The following NMBR variants were observed in gnomAD, a reference collection of about 807,000 sequenced individuals.
NMBR encodes the protein neuromedin-B receptor.
Under a neutral mutation model 20.5 loss-of-function variants are expected in NMBR, and 16 were observed. That is an observed-to-expected ratio of 0.78 (90% CI 0.53 to 1.19). The LOEUF (loss-of-function observed/expected upper bound fraction) is 1.19. Ranked by LOEUF, NMBR falls within the 50% of genes most tolerant of loss-of-function variation. The pLI is 0.00. For synonymous variants in NMBR, 212 were observed against 196.6 expected (o/e 1.08, Z -0.65); for missense variants, 582 against 499.1 (o/e 1.17, Z -1.58).
chr6:142,117,343 A>T (rs943770503), intron 1 of NMBR, among the ~76,000 whole-genome samples: 2 of 151,958 alleles, frequency 1.3e-5, no homozygotes, highest in Non-Finnish European at 2.9e-5. Flanking sequence ...CAATAAATCT[A>T]CACCCCTAGA....
chr6:142,098,266 C>A (rs558150294), intron 1 of NMBR, among the ~76,000 whole-genome samples: 1 of 152,034 alleles, frequency 6.6e-6, no homozygotes. Flanking sequence ...TTGCTAACAT[C>A]GGGGATGAAG....
At chr6:142,117,627 T>C (rs1582854770) in intron 1 of NMBR, among the ~76,000 whole-genome samples, 1 of 151,928 alleles carries the variant, frequency 6.6e-6, no homozygotes, top group East Asian at 1.9e-4. Flanking sequence ...ACCATGAGGT[T>C]TTAATTAATT....
Position 142,099,309 on chromosome 6 carries a change from A to T in NMBR, c.-663-9988T>A, listed in dbSNP as rs190748609. Among the ~76,000 whole-genome samples, 28 of 152,324 alleles carry T rather than the reference A, an allele frequency of 1.8e-4. No individual in the cohort carries two copies. In the East Asian group the frequency reaches 5.0e-3, roughly 27 times the overall value. On this transcript the variant is annotated intron_variant, in intron 1 of 3. Transcript: ENST00000258042. ...AGACTGGGTAATTTATAAAGAAAAG[A>T]TGTTTAATTGACTCATAGTTCCACA...
At chr6:142,105,266 T>G (rs1461438949) in intron 1 of NMBR, among the ~76,000 whole-genome samples, 3 of 152,180 alleles carry the variant, frequency 2.0e-5, no homozygotes, top group African/African-American at 7.2e-5. Flanking sequence ...GGATCTTCAG[T>G]TGCTTCCGGC....
chr6:142,135,048 T>C (rs921685135), intron 1 of NMBR: 39 of 439,718 alleles, frequency 8.9e-5, no homozygotes, highest in African/African-American at 6.9e-4. Context: ...TACTATAAAA[T>C]ATAGTGCCTG....
At chr6:142,084,009 G>A (rs1413293422) in intron 2 of NMBR, among the ~76,000 whole-genome samples, 3 of 152,108 alleles carry the variant, frequency 2.0e-5, no homozygotes, top group East Asian at 1.9e-4. Flanking sequence ...GAGAGGCAAG[G>A]GCTATGGAGC....
chr6:142,082,530 TAG>T (rs1165667492), intron 2 of NMBR, among the ~76,000 whole-genome samples: 3 of 152,232 alleles, frequency 2.0e-5, no homozygotes, highest in African/African-American at 7.2e-5. Context: ...GGCTTCTCTG[TAG>T]AGTTACTAAT....
At chr6:142,142,272 A>C (rs1340378940) in intron 1 of NMBR, among the ~76,000 whole-genome samples, 26 of 152,234 alleles carry the variant, frequency 1.7e-4, no homozygotes, top group Admixed American at 1.7e-3. Context: ...TAAGGAAGAA[A>C]TAATACTCCA....
At chr6:142,135,016 C>G (rs1582864159) in intron 1 of NMBR, 1 of 443,900 alleles carries the variant, frequency 2.3e-6, no homozygotes, top group East Asian at 3.4e-5. Context: ...AAACTTACTT[C>G]AATGTGTCTG....
intron 1 of NMBR, chr6:142,133,269 C>A: frequency 1.8e-6 from 1 of 552,352 alleles, no homozygotes; most frequent in South Asian, 2.5e-5. Flanking sequence ...TTGCATAAGT[C>A]TTGGTGAATA....
rs375746078 is a variant in NMBR at position 142,088,337 on chromosome 6, C to G, written c.322G>C (p.Glu108Gln). ...PVDASRYFFD[E>Q]WMFGKVGCKL... ...CAGCCCACCTTGCCAAACATCCACT[C>G]GTCGAAGAAGTAGCGCGAGGCGTCC... The change falls in exon 2 of 4, where the codon GAG becomes CAG. Residue 108 changes from glutamate to glutamine, a missense_variant. By Grantham distance (29) the Glu-to-Gln change is conservative. Coordinates refer to ENST00000258042, the MANE Select transcript of NMBR (RefSeq NM_002511.4). 13 of 1,614,040 alleles carry G rather than the reference C, an allele frequency of 8.1e-6. No individual in the cohort carries two copies. The highest frequency in any genetic ancestry group is 1.0e-5 in the Non-Finnish European group (12 of 1,180,036).
intron 1 of NMBR, among the ~76,000 whole-genome samples, chr6:142,136,055 C>T (rs1657781323): frequency 6.6e-6 from 1 of 152,140 alleles, no homozygotes; most frequent in Admixed American, 6.5e-5. Context: ...GTTCTAGGTC[C>T]CTGAGGAATC....
intron 1 of NMBR, among the ~76,000 whole-genome samples, chr6:142,117,518 T>C (rs1777876314): frequency 6.6e-6 from 1 of 151,876 alleles, no homozygotes; most frequent in African/African-American, 2.4e-5. Context: ...AAAGCTAAAT[T>C]TGTCTCAAGC....
intron 1 of NMBR, among the ~76,000 whole-genome samples, chr6:142,109,435 C>T (rs929952672): frequency 6.7e-6 from 1 of 148,826 alleles, no homozygotes; most frequent in African/African-American, 2.5e-5. Flanking sequence ...TACATTTCTC[C>T]AAAAAATATA....
chr6:142,111,116 T>G (rs1777755868), intron 1 of NMBR, among the ~76,000 whole-genome samples: 1 of 151,974 alleles, frequency 6.6e-6, no homozygotes, highest in Non-Finnish European at 1.5e-5. Context: ...GGCATGCGCG[T>G]GTATTCCCAA....
At chr6:142,095,169 G>C (rs549894945) in intron 1 of NMBR, among the ~76,000 whole-genome samples, 1 of 151,950 alleles carries the variant, frequency 6.6e-6, no homozygotes, top group African/African-American at 2.4e-5. Flanking sequence ...AATTGCCCTG[G>C]CCAGAACTTC....
chr6:142,113,400 C>T (rs138952713), intron 1 of NMBR, among the ~76,000 whole-genome samples: 170 of 152,134 alleles, frequency 1.1e-3, no homozygotes, highest in East Asian at 3.1e-3. Flanking sequence ...ATTCATGAAT[C>T]GCATGAGGAA....
chr6:142,135,184 A>G (rs1036280178), intron 1 of NMBR: 5 of 188,182 alleles, frequency 2.7e-5, no homozygotes, highest in Non-Finnish European at 5.4e-5. Flanking sequence ...TCTCACATAC[A>G]TGTTAATTGA....
intron 1 of NMBR, among the ~76,000 whole-genome samples, chr6:142,104,198 C>G (rs1382370864): frequency 6.6e-6 from 1 of 152,112 alleles, no homozygotes; most frequent in Non-Finnish European, 1.5e-5. Context: ...TAGTTAAAGA[C>G]ACAACTGACA....
Sources: allele counts gnomAD v4.1 joint callset (sites outside exome capture counted in the v4.1 genomes callset), GRCh38; gene constraint gnomAD v4.1.1; transcripts MANE v1.5; gene names NCBI Gene and HGNC (gene_info 2026-07-23, HGNC 2026-07-21).